The following SOX5 variants were observed in gnomAD, a reference collection of about 807,000 sequenced individuals.
SOX5 encodes the protein transcription factor SOX-5.
A neutral mutation model predicts 92.0 loss-of-function variants in SOX5; 9 were observed. The observed-to-expected ratio is 0.10, with a 90% CI of 0.06 to 0.17. The LOEUF (loss-of-function observed/expected upper bound fraction) is 0.17. Among genes scored for constraint, SOX5 ranks in the 10% least tolerant of loss-of-function variants. The pLI is 1.00. For missense variants in SOX5, 642 were observed against 944.5 expected, an observed-to-expected ratio of 0.68 and a Z score of 4.20; for synonymous variants, 344 against 336.3, an observed-to-expected ratio of 1.02 and a Z score of -0.25.
At chr12:23,788,772 AT>A (rs2095422933) in intron 3 of SOX5, among the ~76,000 whole-genome samples, 1 of 151,986 alleles carries the variant, frequency 6.6e-6, no homozygotes, top group African/African-American at 2.4e-5. Flanking sequence ...GAAATAAGTA[AT>A]TTCATATTAA....
At chr12:24,090,215 T>A (rs1944477711) in intron 4 of SOX5, among the ~76,000 whole-genome samples, 1 of 152,188 alleles carries the variant, frequency 6.6e-6, no homozygotes, top group Non-Finnish European at 1.5e-5. Flanking sequence ...GATCTTGAAA[T>A]GAAAAACAAC....
chr12:23,658,276 A>G (rs1168849886), intron 7 of SOX5, among the ~76,000 whole-genome samples: 1 of 152,354 alleles, frequency 6.6e-6, no homozygotes, highest in African/African-American at 2.4e-5. Context: ...ATCAAAAGAT[A>G]TATTTTAATG....
At chr12:24,385,942 AAAAG>A (rs1252673221) in intron 1 of SOX5, among the ~76,000 whole-genome samples, 5 of 150,330 alleles carry the variant, frequency 3.3e-5, no homozygotes, top group African/African-American at 1.2e-4. Flanking sequence ...AAAAAAAAAA[AAAAG>A]AGAGAGAGAT....
At chr12:23,970,841 A>ATATATTTTTTTTTTTTTTTTTTTTTTT in intron 4 of SOX5, among the ~76,000 whole-genome samples, 2 of 21,878 alleles carry the variant, frequency 9.1e-5, no homozygotes, top group African/African-American at 1.2e-4. Context: ...TATATATATA[A>ATATATTTTTTTTTTTTTTTTTTTTTTT]TTTTTTTTTT....
chr12:24,187,893 C>A (rs370171120), intron 4 of SOX5, among the ~76,000 whole-genome samples: 12 of 152,252 alleles, frequency 7.9e-5, no homozygotes, highest in South Asian at 4.1e-4. Context: ...TTTAAAATGG[C>A]CTATTAATAT....
intron 4 of SOX5, among the ~76,000 whole-genome samples, chr12:24,029,941 C>T (rs1283783228): frequency 6.6e-6 from 1 of 151,928 alleles, no homozygotes; most frequent in Non-Finnish European, 1.5e-5. Context: ...TTCATATGTG[C>T]CAGGCTCAGT....
intron 5 of SOX5, among the ~76,000 whole-genome samples, chr12:23,735,266 C>T (rs1040530909): frequency 4.6e-5 from 7 of 152,114 alleles, no homozygotes; most frequent in African/African-American, 1.7e-4. Context: ...TCAGTGCATG[C>T]TATTGTGGTT....
intron 2 of SOX5, among the ~76,000 whole-genome samples, chr12:23,858,774 A>T (rs2096722373): frequency 6.6e-6 from 1 of 152,224 alleles, no homozygotes; most frequent in African/African-American, 2.4e-5. Context: ...ACTGTTGCAG[A>T]AAGTCAGGGA....
intron 1 of SOX5, among the ~76,000 whole-genome samples, chr12:24,442,183 T>G (rs1041139221): frequency 2.0e-5 from 3 of 152,242 alleles, no homozygotes; most frequent in African/African-American, 7.2e-5. Context: ...GGCAAATTTT[T>G]GTATATTGCT....
At chr12:23,949,473 G>A (rs1945178848) in intron 1 of SOX5, 91 bp downstream of exon 1, 1 of 1,503,668 alleles carries the variant, frequency 6.7e-7, no homozygotes, top group South Asian at 1.1e-5. Context: ...TAACAAACAC[G>A]TTTTGGGGGA....
At chr12:24,174,210 G>A (rs7135007) in intron 4 of SOX5, among the ~76,000 whole-genome samples, 2,937 of 152,072 alleles carry the variant, frequency 0.019, 97 homozygotes, top group African/African-American at 0.067. Flanking sequence ...GTTTGCCCAG[G>A]ATGGTCTCGA....
At chr12:23,713,645 C>A (rs2092253476) in intron 6 of SOX5, among the ~76,000 whole-genome samples, 1 of 146,896 alleles carries the variant, frequency 6.8e-6, no homozygotes, top group African/African-American at 2.6e-5. Context: ...TCTCCAGTGT[C>A]TCTGTGTGTG....
chr12:23,809,097 T>C (rs1336381268), intron 3 of SOX5, among the ~76,000 whole-genome samples: 1 of 152,128 alleles, frequency 6.6e-6, no homozygotes, highest in Non-Finnish European at 1.5e-5. Context: ...GGTGTGTGTA[T>C]GGGAGACATC....
At chr12:24,405,017 A>G (rs1566084266) in intron 1 of SOX5, among the ~76,000 whole-genome samples, 1 of 152,172 alleles carries the variant, frequency 6.6e-6, no homozygotes, top group Non-Finnish European at 1.5e-5. Context: ...AAGCCAAAAA[A>G]GAAGGGCCCA....
chr12:24,353,935 G>A (rs773126913), intron 2 of SOX5, among the ~76,000 whole-genome samples: 29 of 152,096 alleles, frequency 1.9e-4, no homozygotes, highest in Non-Finnish European at 3.2e-4. Context: ...CACCACGCCC[G>A]GCCACCTCAT....
At chr12:24,308,293 G>A (rs1030248836) in intron 2 of SOX5, among the ~76,000 whole-genome samples, 2 of 152,166 alleles carry the variant, frequency 1.3e-5, no homozygotes, top group African/African-American at 4.8e-5. Context: ...AAAAAGTAAC[G>A]CAAGACCCGG....
chr12:23,970,841 A>ATATATATTTTTTTTT, intron 4 of SOX5, among the ~76,000 whole-genome samples: 1 of 21,878 alleles, frequency 4.6e-5, no homozygotes, highest in Non-Finnish European at 1.0e-4. Flanking sequence ...TATATATATA[A>ATATATATTTTTTTTT]TTTTTTTTTT....
intron 3 of SOX5, among the ~76,000 whole-genome samples, chr12:24,222,974 A>G (rs1256554707): frequency 6.6e-6 from 1 of 152,212 alleles, no homozygotes; most frequent in Non-Finnish European, 1.5e-5. Flanking sequence ...CCGGCACCCC[A>G]TACTGACTAA....
chr12:23,674,587 C>T (rs1416236763), intron 6 of SOX5, among the ~76,000 whole-genome samples: 2 of 152,020 alleles, frequency 1.3e-5, no homozygotes, highest in East Asian at 3.9e-4. Flanking sequence ...ATCCACCCTC[C>T]TTGGCCTCCC....
Sources: gnomAD v4.1 joint callset for allele counts (sites outside exome capture counted in the v4.1 genomes callset) on GRCh38, gnomAD v4.1.1 for gene constraint, MANE v1.5 for transcripts, NCBI Gene and HGNC (gene_info 2026-07-23, HGNC 2026-07-21) for gene names.